Variants in ABHD8 observed in about 807,000 individuals in gnomAD.
The protein encoded by ABHD8 is protein ABHD8.
ABHD8 carries 10 observed loss-of-function variants against 29.3 expected under a neutral mutation model. That is an observed-to-expected ratio of 0.34 (90% CI 0.21 to 0.58). ABHD8 has a LOEUF of 0.58. Among genes scored for constraint, ABHD8 ranks in the 20% least tolerant of loss-of-function variants. ABHD8 has a pLI of 0.85. For synonymous variants in ABHD8, 282 were observed against 274.6 expected (o/e 1.03, Z -0.27); for missense variants, 556 against 615.3 (o/e 0.90, Z 1.02).
rs1003201231 is a variant in ABHD8 at position 17,300,358 on chromosome 19, C to T, written c.761+498G>A. 3.9e-5 allele frequency among the ~76,000 whole-genome samples: 6 copies of T among 152,062 alleles called. No homozygotes were observed. In the South Asian group the frequency reaches 6.2e-4, roughly 16 times the overall value. On this transcript the variant is annotated intron_variant, in intron 2 of 4. Coordinates refer to ENST00000247706, the MANE Select transcript of ABHD8 (RefSeq NM_024527.5). The stretch of plus-strand genomic sequence containing the variant: ...AGGTGGAACTATATGCGTGCACCTC[C>T]TCACCTAGCTAATGTTTGTACTTTT...
chr19:17,295,868 C>T (rs1433275520), intron 2 of ABHD8, among the ~76,000 whole-genome samples: 1 of 152,148 alleles, frequency 6.6e-6, no homozygotes, highest in East Asian at 1.9e-4. Flanking sequence ...CCACCATGCT[C>T]AGCTAATTTT....
chr19:17,301,711 A>G (rs1397674940), intron 1 of ABHD8, 87 bp from the exon 2 acceptor site: 13 of 1,388,668 alleles, frequency 9.4e-6, no homozygotes, highest in Non-Finnish European at 1.2e-5. Context: ...CCTTGGGAGA[A>G]CTGTTTTAGA....
chr19:17,300,004 A>G (rs1039024863), intron 2 of ABHD8, among the ~76,000 whole-genome samples: 1 of 150,904 alleles, frequency 6.6e-6, no homozygotes, highest in Non-Finnish European at 1.5e-5. Flanking sequence ...TCCCGTGCTC[A>G]TGCCATTCTC....
Position 17,300,754 on chromosome 19 carries a change from AGGCGTGAGCCACGG to A in ABHD8, c.761+88_761+101del, listed in dbSNP as rs2074113582. ...CGGCCTCCCAAAGTGCTGGGATTAC[AGGCGTGAGCCACGG>A]GGCTCAGCCAAAAACTCAGTATTTT... On this transcript the variant is annotated intron_variant, in intron 2 of 4. Coordinates refer to ENST00000247706, the MANE Select transcript of ABHD8 (RefSeq NM_024527.5). The A allele has an allele frequency of 3.6e-6, 5 of 1,403,934 alleles. No homozygotes were observed. In the East Asian group the frequency reaches 1.2e-4, roughly 33 times the overall value. The allele number at this position is 1,403,934 out of a possible 1,614,324, so 87.0% of individuals were successfully genotyped here.
intron 2 of ABHD8, 69 bp downstream of exon 2, chr19:17,300,787 G>A (rs2074113723): frequency 1.3e-6 from 2 of 1,506,652 alleles, no homozygotes; most frequent in South Asian, 2.7e-5. Context: ...CAAAAACTCA[G>A]TATTTTGTGA....
Position 17,301,160 on chromosome 19 carries a change from G to T in ABHD8, c.457C>A (p.Arg153Ser). Residue 153 changes from arginine to serine, a missense_variant, in exon 2 of 5, where the codon CGC becomes AGC. Coordinates refer to ENST00000247706, the MANE Select transcript of ABHD8 (RefSeq NM_024527.5). ...GSGGRRRRAR[R>S]PKRTIHIDCE... is the part of the protein sequence containing the mutation. ...TCAATATGGATGGTCCTCTTGGGGC[G>T]CCTGGCTCGCCGCCGCCGCCCACCA... is the stretch of plus-strand genomic sequence containing the variant. The T allele has an allele frequency of 6.2e-7, 1 of 1,610,266 alleles. No individual in the cohort carries two copies.
At chr19:17,298,154 C>T (rs984803432) in intron 2 of ABHD8, 1 of 151,434 alleles carries the variant, frequency 6.6e-6, no homozygotes, top group Non-Finnish European at 1.5e-5. Context: ...TCCTGACCTC[C>T]TGATCCGCCC....
chr19:17,300,928 A>G lies in ABHD8; in HGVS notation c.689T>C (p.Leu230Pro). The G allele has an allele frequency of 6.2e-7, 1 of 1,612,310 alleles. No homozygotes were observed. ...GAAGATTGCTCGCATGTCCTCAGCC[A>G]GCGCATAGAAGGTGTAGGCTGCGGC... ...QVAAAYTFYA[L>P]AEDMRAIFKR... Residue 230 changes from leucine (L) to proline (P), a missense_variant, in exon 2 of 5, where the codon CTG becomes CCG. Physicochemically the swap from Leu to Pro is moderately conservative, Grantham distance 98. Transcript: ENST00000247706.
rs1384783545 is a variant in ABHD8, at chr19:17,301,483, C to A, written c.134G>T (p.Arg45Leu). ...TGGGGCGGGTCCTGCATGCTTCACC[C>A]GCAGCACGCGGCCGGGCTTGACCTC... Reference protein sequence around the residue: ...FVEVKPGRVLRVKHAGPAPAA... With the variant: ...FVEVKPGRVLLVKHAGPAPAA... The change falls in exon 2 of 5, where the codon CGG becomes CTG. Residue 45 changes from arginine to leucine, a missense_variant. Arg to Leu is a moderately radical substitution (Grantham distance 102, BLOSUM62 -2). This residue lies in a region of ABHD8 where 286 missense variants were observed against 261.4 expected (regional missense o/e 1.09). Coordinates refer to ENST00000247706, the MANE Select transcript of ABHD8 (RefSeq NM_024527.5). The A allele has an allele frequency of 6.2e-7, 1 of 1,611,658 alleles. No individual in the cohort carries two copies. The highest frequency in any genetic ancestry group is 1.7e-5 in the Admixed American group (1 of 59,954).
At chr19:17,300,279 C>A (rs1263786527) in intron 2 of ABHD8, among the ~76,000 whole-genome samples, 1 of 151,756 alleles carries the variant, frequency 6.6e-6, no homozygotes, top group African/African-American at 2.4e-5. Context: ...GATCACAGTT[C>A]ACTGCAGCCT....
Position 17,301,316 on chromosome 19 carries a change from C to A in ABHD8, c.301G>T (p.Ala101Ser). The change falls in exon 2 of 5, where the codon GCC (alanine) becomes TCC (serine). Residue 101 changes from alanine to serine, a missense_variant. This residue lies in a region of ABHD8 where 286 missense variants were observed against 261.4 expected (regional missense o/e 1.09). Transcript: ENST00000247706. ...CCATTCTGCCCGTGTAGGAGGTCGG[C>A]TCGAGGGGCTCGGCCCAGGTTTTCC... ...LVENLGRAPR[A>S]DLLHGQNGSG... The A allele has an allele frequency of 1.2e-6, 2 of 1,607,422 alleles. No individual in the cohort carries two copies. The highest frequency in any genetic ancestry group is 1.7e-6 in the Non-Finnish European group (2 of 1,179,828).
Position 17,294,386 on chromosome 19 carries a change from C to T in ABHD8, c.1051G>A (p.Asp351Asn). 1.2e-6 allele frequency: 2 copies of T among 1,614,002 alleles called. No individual in the cohort carries two copies. The highest frequency in any genetic ancestry group is 8.5e-7 in the Non-Finnish European group (1 of 1,180,006). ...GTGAGCTCGGCGTGGTAGACCTCGT[C>T]GCCCTCGGGCCAGTACTGGCCGCTC... ...MMSGQYWPEG[D>N]EVYHAELTVP... The change falls in exon 4 of 5, where the codon GAC (aspartate) becomes AAC (asparagine). Residue 351 changes from aspartate (D) to asparagine (N), a missense_variant. This residue lies in a region of ABHD8 where 270 missense variants were observed against 353.9 expected (regional missense o/e 0.76). Coordinates refer to ENST00000247706, the MANE Select transcript of ABHD8 (RefSeq NM_024527.5).
chr19:17,301,652 G>C lies in ABHD8; in HGVS notation c.-8-28C>G, dbSNP rs750486923. The C allele has an allele frequency of 2.0e-6, 3 of 1,510,962 alleles. No homozygotes were observed. In the African/African-American group the frequency reaches 4.1e-5, roughly 21 times the overall value. The allele number at this position is 1,510,962 out of a possible 1,614,324, so 93.6% of individuals were successfully genotyped here. On this transcript the variant is annotated intron_variant, in intron 1 of 4. Coordinates refer to ENST00000247706, the MANE Select transcript of ABHD8 (RefSeq NM_024527.5). ...GTGAGTGAGGACAGCAGCCAGTTCA[G>C]GTGCTGTCTCAATGAGAACCCTGCA...
At chr19:17,297,467 T>A (rs1315755686) in intron 2 of ABHD8, among the ~76,000 whole-genome samples, 1 of 152,086 alleles carries the variant, frequency 6.6e-6, no homozygotes, top group Non-Finnish European at 1.5e-5. Flanking sequence ...AGCTACTTTT[T>A]GTATTTTTAT....
rs540994355 is a variant in ABHD8 at position 17,292,594 on chromosome 19, T to C, written c.*67A>G. ...GCCCAGGTGGTCTGCGCTGCAGACC[T>C]GGCGCAGGCTCGGGCCTCCTCCTGC... On this transcript the variant is annotated 3_prime_UTR_variant, in exon 5 of 5. Coordinates refer to ENST00000247706, the MANE Select transcript of ABHD8 (RefSeq NM_024527.5). 1.0e-4 allele frequency: 150 copies of C among 1,494,158 alleles called. No homozygotes were observed. The African/African-American group carries it at 1.9e-3, about 19-fold the overall frequency. 92.6% of individuals were successfully genotyped at this position (1,494,158 alleles called of 1,614,324 possible).
intron 2 of ABHD8, among the ~76,000 whole-genome samples, chr19:17,300,056 C>A (rs537607218): frequency 6.6e-6 from 1 of 151,708 alleles, no homozygotes; most frequent in Non-Finnish European, 1.5e-5. Flanking sequence ...AGGTGCCCAC[C>A]ACCACACCCA....
At chr19:17,301,724 C>T in intron 1 of ABHD8, 100 bp from the exon 2 acceptor site, 1 of 1,355,994 alleles carries the variant, frequency 7.4e-7, no homozygotes, top group Non-Finnish European at 9.6e-7. Flanking sequence ...GTTTTAGACT[C>T]CAGTTTGGGG....
At position 17,301,124 on chromosome 19, in the gene ABHD8, G is replaced by C. The variant is rs907807943; in HGVS notation, c.493C>G (p.Arg165Gly). 2.5e-6 allele frequency: 4 copies of C among 1,612,928 alleles called. No homozygotes were observed. Among genetic ancestry groups the C allele is most frequent in the Non-Finnish European group, 3.4e-6 (4 of 1,180,000 alleles). ...KRTIHIDCEK[R>G]ITSCKGAQAD... ...TGGGCGCCTTTGCAGCTAGTGATGC[G>C]CTTCTCACAGTCAATATGGATGGTC... Residue 165 changes from arginine to glycine, a missense_variant, in exon 2 of 5, where the codon CGC becomes GGC. By Grantham distance (125) the Arg-to-Gly change is moderately radical. Around this residue, in one of 2 missense-constraint regions of ABHD8, gnomAD observed 286 missense variants for 261.4 expected, o/e 1.09. Transcript: ENST00000247706.
At chr19:17,292,879 A>G in intron 4 of ABHD8, 48 bp from the exon 5 acceptor site, 1 of 1,580,408 alleles carries the variant, frequency 6.3e-7, no homozygotes, top group Non-Finnish European at 8.6e-7. Flanking sequence ...GAGGGTGGAG[A>G]GAGGCCAGGC....
Sources: gnomAD v4.1 joint callset for allele counts (sites outside exome capture counted in the v4.1 genomes callset) on GRCh38, gnomAD v4.1.1 for gene constraint, gnomAD v4.1.1 regional missense constraint, MANE v1.5 for transcripts, NCBI Gene and HGNC (gene_info 2026-07-23, HGNC 2026-07-21) for gene names.